PTPRK: variants seen among roughly 807,000 people sequenced by gnomAD.
The protein encoded by PTPRK is receptor-type tyrosine-protein phosphatase kappa.
Under a neutral mutation model 178.0 loss-of-function variants are expected in PTPRK, and 75 were observed. The observed-to-expected ratio is 0.42, with a 90% CI of 0.35 to 0.51. The LOEUF is 0.51. Ranked by LOEUF, PTPRK falls within the 20% of genes least tolerant of loss-of-function variation. PTPRK has a pLI of 0.02. For missense variants in PTPRK, 1,441 were observed against 1,797.8 expected (o/e 0.80, Z 3.59); for synonymous variants, 637 against 620.6 (o/e 1.03, Z -0.39).
rs75875062 is a variant in PTPRK, at chr6:128,213,110, T to C, written c.868+5812A>G. Among the ~76,000 whole-genome samples, 1,449 of 152,148 alleles carry C rather than the reference T, an allele frequency of 9.5e-3. 10 individuals are homozygous for C. Among genetic ancestry groups the C allele is most frequent in the Middle Eastern group, 0.02 (6 of 294 alleles). ...AATACTTTTCAGCTTTGAAAATGTA[T>C]GTTTAATGGACTATATGAACAATTC... On this transcript the variant is annotated intron_variant, in intron 6 of 29. Coordinates refer to ENST00000368226, the MANE Select transcript of PTPRK (RefSeq NM_002844.4).
rs1328461556 is a variant in PTPRK, at chr6:127,991,274, A to T, written c.2979+20T>A. On this transcript the variant is annotated intron_variant, in intron 20 of 29. Coordinates refer to ENST00000368226, the MANE Select transcript of PTPRK (RefSeq NM_002844.4). Reference sequence around the variant, plus strand: ...CTATGTTCATTTTTATGACAAAAAAATTCTTTTTCTTCCTCTTACCCGGCC... The same window carrying T: ...CTATGTTCATTTTTATGACAAAAAATTTCTTTTTCTTCCTCTTACCCGGCC... 2 of 1,560,184 alleles carry T rather than the reference A, an allele frequency of 1.3e-6. No individual in the cohort carries two copies. The highest frequency in any genetic ancestry group is 1.7e-6 in the Non-Finnish European group (2 of 1,147,228).
intron 2 of PTPRK, among the ~76,000 whole-genome samples, chr6:128,341,872 C>G (rs958162242): frequency 6.6e-6 from 1 of 152,160 alleles, no homozygotes; most frequent in Non-Finnish European, 1.5e-5. Flanking sequence ...GCTCAAGAGT[C>G]ATTTTTCCTT....
chr6:128,511,369 C>A (rs1481988796), intron 1 of PTPRK, among the ~76,000 whole-genome samples: 2 of 152,192 alleles, frequency 1.3e-5, no homozygotes, highest in Non-Finnish European at 2.9e-5. Context: ...ACACTAACTT[C>A]CCCTCAGTCA....
intron 3 of PTPRK, among the ~76,000 whole-genome samples, chr6:128,274,311 C>T (rs1363543460): frequency 6.6e-6 from 1 of 152,074 alleles, no homozygotes; most frequent in East Asian, 1.9e-4. Flanking sequence ...TAGAATTTTT[C>T]CCTGACAAAC....
At chr6:128,472,502 G>T (rs1476338859) in intron 1 of PTPRK, among the ~76,000 whole-genome samples, 2 of 145,786 alleles carry the variant, frequency 1.4e-5, no homozygotes, top group African/African-American at 2.5e-5. Context: ...TTACAGAAAA[G>T]TTGCGAGACT....
At chr6:128,008,549 A>G (rs1394893470) in intron 14 of PTPRK, among the ~76,000 whole-genome samples, 1 of 151,084 alleles carries the variant, frequency 6.6e-6, no homozygotes, top group Non-Finnish European at 1.5e-5. Flanking sequence ...AAATTCCAGT[A>G]GGTCTCAGTA....
intron 15 of PTPRK, among the ~76,000 whole-genome samples, chr6:128,001,961 G>A (rs948237224): frequency 1.3e-5 from 2 of 151,798 alleles, no homozygotes; most frequent in Admixed American, 6.6e-5. Flanking sequence ...ATGATCCCCA[G>A]TGATCATGAT....
intron 3 of PTPRK, among the ~76,000 whole-genome samples, chr6:128,311,996 TGG>T (rs1827302775): frequency 6.6e-6 from 1 of 152,162 alleles, no homozygotes; most frequent in African/African-American, 2.4e-5. Context: ...CCCAAAGATA[TGG>T]CAAAAAATCC....
intron 1 of PTPRK, among the ~76,000 whole-genome samples, chr6:128,468,864 G>A (rs556817197): frequency 1.9e-4 from 22 of 115,412 alleles, no homozygotes; most frequent in African/African-American, 5.4e-4. Flanking sequence ...ATCTCTGTAC[G>A]AAATGAAAAC....
chr6:128,043,937 C>T (rs1200675409), intron 13 of PTPRK, among the ~76,000 whole-genome samples: 2 of 151,530 alleles, frequency 1.3e-5, no homozygotes, highest in Admixed American at 6.6e-5. Flanking sequence ...TAGTTTATTA[C>T]AAAAGTAGGG....
chr6:128,256,438 T>C (rs1483882978), intron 3 of PTPRK, among the ~76,000 whole-genome samples: 1 of 150,954 alleles, frequency 6.6e-6, no homozygotes, highest in African/African-American at 2.5e-5. Flanking sequence ...AGGCAAACTA[T>C]GTTCTTCATT....
intron 1 of PTPRK, among the ~76,000 whole-genome samples, chr6:128,485,461 C>T (rs1852678477): frequency 6.8e-6 from 1 of 146,620 alleles, no homozygotes; most frequent in Non-Finnish European, 1.6e-5. Context: ...AATGCATGCA[C>T]ACACACACAC....
chr6:127,986,016 A>G, intron 21 of PTPRK, 141 bp from the exon 22 acceptor site: 1 of 711,490 alleles, frequency 1.4e-6, no homozygotes. Context: ...TTCTTAAAAA[A>G]AAAATATAAT....
intron 3 of PTPRK, among the ~76,000 whole-genome samples, chr6:128,316,169 T>G (rs1295959679): frequency 6.6e-6 from 1 of 152,202 alleles, no homozygotes; most frequent in East Asian, 1.9e-4. Flanking sequence ...TAAAGAAGTA[T>G]GCAAAACAAG....
intron 13 of PTPRK, among the ~76,000 whole-genome samples, chr6:128,048,643 C>T (rs757704101): frequency 6.6e-6 from 1 of 152,138 alleles, no homozygotes; most frequent in Non-Finnish European, 1.5e-5. Flanking sequence ...TACAGTCAGC[C>T]CTCTGCATTC....
In PTPRK at chr6:127,976,992, G is replaced by T. The variant is rs541915496; in HGVS notation, c.3774C>A (p.Asp1258Glu). Residue 1258 changes from aspartate (D) to glutamate (E), a missense_variant, in exon 26 of 30, where the codon GAC becomes GAA. By Grantham distance (45) the Asp-to-Glu change is conservative. Transcript: ENST00000368226. Reference protein sequence around the residue: ...TQYPLPNTVKDFWRLVYDYGC... With the variant: ...TQYPLPNTVKEFWRLVYDYGC... ...CATAATCATACACTAATCTCCAGAA[G>T]TCTTTTACAGTGTTTGGCAGAGGGT... The T allele has an allele frequency of 6.2e-7, 1 of 1,614,020 alleles. No individual in the cohort carries two copies. Among genetic ancestry groups the T allele is most frequent in the Non-Finnish European group, 8.5e-7 (1 of 1,179,940 alleles).
chr6:128,135,887 A>G (rs1425954339), intron 7 of PTPRK, among the ~76,000 whole-genome samples: 1 of 152,166 alleles, frequency 6.6e-6, no homozygotes, highest in South Asian at 2.1e-4. Context: ...AGCATCTGGT[A>G]GAGTTTTAAG....
intron 1 of PTPRK, among the ~76,000 whole-genome samples, chr6:128,401,239 G>C (rs1840974690): frequency 6.6e-6 from 1 of 152,186 alleles, no homozygotes; most frequent in Non-Finnish European, 1.5e-5. Context: ...GAACTTGCCA[G>C]AATATCTTTT....
intron 7 of PTPRK, among the ~76,000 whole-genome samples, chr6:128,172,751 TAA>T (rs1389223460): frequency 6.6e-6 from 1 of 151,726 alleles, no homozygotes; most frequent in Non-Finnish European, 1.5e-5. Context: ...CACGTACATA[TAA>T]GTGTGTAACA....
Sources: allele counts gnomAD v4.1 joint callset (sites outside exome capture counted in the v4.1 genomes callset), GRCh38; gene constraint gnomAD v4.1.1; transcripts MANE v1.5; gene names NCBI Gene and HGNC (gene_info 2026-07-23, HGNC 2026-07-21).